The following TTC7B variants were observed in gnomAD, a reference collection of about 807,000 sequenced individuals.
TTC7B encodes the protein tetratricopeptide repeat domain 7B, also known as tetratricopeptide repeat protein 7B.
In TTC7B, 28 loss-of-function variants were observed where a neutral mutation model predicts 106.8. The ratio of observed to expected loss-of-function variants is 0.26; its 90% CI spans 0.19 to 0.36. The LOEUF (loss-of-function observed/expected upper bound fraction) is 0.36, where lower values mean the gene tolerates loss of function less well. Ranked by LOEUF, TTC7B falls within the 10% of genes least tolerant of loss-of-function variation. The probability of loss-of-function intolerance (pLI) is 1.00; values close to 1 mark genes in which losing one functional copy is unlikely to be tolerated. For missense variants in TTC7B, 862 were observed against 1,076.4 expected (o/e 0.80, Z 2.79); for synonymous variants, 405 against 430.6 (o/e 0.94, Z 0.74).
intron 9 of TTC7B, among the ~76,000 whole-genome samples, chr14:90,664,943 GAAC>G (rs1886352737): frequency 6.6e-6 from 1 of 152,236 alleles, no homozygotes; most frequent in Non-Finnish European, 1.5e-5. Flanking sequence ...GGGAGAATGA[GAAC>G]CCCTGGGAAT....
At position 90,563,349 on chromosome 14, in the gene TTC7B, G is replaced by A. The variant is rs377392254; in HGVS notation, c.2310+14757C>T. Reference sequence around the variant, plus strand: ...CCCAGGAACTTTTTGGTGTCCCAGTGCACCTAAAAGGTGTGTTTACACTAC... The same window carrying A: ...CCCAGGAACTTTTTGGTGTCCCAGTACACCTAAAAGGTGTGTTTACACTAC... On this transcript the variant is annotated intron_variant, in intron 19 of 19. Transcript: ENST00000328459. Among the ~76,000 whole-genome samples, 3 of 152,312 alleles carry A rather than the reference G, an allele frequency of 2.0e-5. No individual in the cohort carries two copies. In the East Asian group the frequency reaches 5.8e-4, roughly 29 times the overall value.
At position 90,657,138 on chromosome 14, in the gene TTC7B, C is replaced by A; in HGVS notation, c.1341+36G>T. On this transcript the variant is annotated intron_variant, in intron 11 of 19. Transcript: ENST00000328459. This position sits in a 1 kb window ranked among gnomAD's most constrained non-coding sequence, Gnocchi z 4.2. ...AAATGGGCAGTCCTGGCCCAGAGTC[C>A]TCTGCAGGAGCGGGGAGGGGGGCGC... 6.3e-7 allele frequency: 1 copy of A among 1,581,056 alleles called. No individual in the cohort carries two copies. Among genetic ancestry groups the A allele is most frequent in the South Asian group, 1.1e-5 (1 of 90,288 alleles).
intron 5 of TTC7B, among the ~76,000 whole-genome samples, chr14:90,726,536 T>C (rs1372104544): frequency 6.6e-6 from 1 of 152,198 alleles, no homozygotes; most frequent in East Asian, 1.9e-4. Context: ...CCATTGGAAG[T>C]CACAATTTAC....
chr14:90,665,415 T>G (rs1886372047), intron 9 of TTC7B, among the ~76,000 whole-genome samples: 1 of 152,246 alleles, frequency 6.6e-6, no homozygotes, highest in Non-Finnish European at 1.5e-5. Flanking sequence ...TTTCCAGCTT[T>G]TCATAAATCA....
chr14:90,600,316 G>A lies in TTC7B; in HGVS notation c.1967-6690C>T, dbSNP rs932297273. Among the ~76,000 whole-genome samples the A allele has an allele frequency of 1.3e-5, 2 of 152,188 alleles. No homozygotes were observed. The highest frequency in any genetic ancestry group is 4.8e-5 in the African/African-American group (2 of 41,444). On this transcript the variant is annotated intron_variant, in intron 17 of 19. Coordinates refer to ENST00000328459, the MANE Select transcript of TTC7B (RefSeq NM_001010854.2). The surrounding 1 kb of genome is among the most constrained non-coding windows in gnomAD (Gnocchi z 4.3). ...AGGTGGTGGCTCCTTGCACCGCGCT[G>A]TCACAGCTCTCCTCTCCATCTGCTG...
chr14:90,572,028 C>T (rs1891055749), intron 19 of TTC7B, among the ~76,000 whole-genome samples: 1 of 152,162 alleles, frequency 6.6e-6, no homozygotes. Context: ...AAATAGGAGA[C>T]AGCAATTTTT....
In TTC7B at chr14:90,624,986, G is replaced by A. The variant is rs1884374680; in HGVS notation, c.1752-6941C>T. Among the ~76,000 whole-genome samples, 1 of 152,226 alleles carries A rather than the reference G, an allele frequency of 6.6e-6. No homozygotes were observed. Reference sequence around the variant, plus strand: ...TGCCCAAGCGGGGCAGCGGCTGAGGGGGCCCTGGATACCTTCCCCATCTCT... The same window carrying A: ...TGCCCAAGCGGGGCAGCGGCTGAGGAGGCCCTGGATACCTTCCCCATCTCT... On this transcript the variant is annotated intron_variant, in intron 15 of 19. Transcript: ENST00000328459. This position sits in a 1 kb window ranked among gnomAD's most constrained non-coding sequence, Gnocchi z 4.0.
At chr14:90,727,600 G>A (rs895792575) in intron 5 of TTC7B, among the ~76,000 whole-genome samples, 4 of 152,210 alleles carry the variant, frequency 2.6e-5, no homozygotes, top group Admixed American at 6.5e-5. Context: ...CACCAGTTCC[G>A]CAGTGACTTC....
intron 5 of TTC7B, among the ~76,000 whole-genome samples, chr14:90,700,063 CCTT>C (rs71898098): frequency 0.13 from 20,105 of 152,164 alleles, 1,598 homozygotes; most frequent in Middle Eastern, 0.21. Context: ...TTTCTTTTCT[CCTT>C]CTTTCTCACT....
chr14:90,572,076 G>A (rs1430823166), intron 19 of TTC7B, among the ~76,000 whole-genome samples: 6 of 152,164 alleles, frequency 3.9e-5, no homozygotes, highest in Non-Finnish European at 7.4e-5. Flanking sequence ...TTTAAGAGAC[G>A]AGAGAGAGAG....
At chr14:90,659,630 G>T (rs1051949814) in intron 9 of TTC7B, among the ~76,000 whole-genome samples, 3 of 152,228 alleles carry the variant, frequency 2.0e-5, no homozygotes, top group African/African-American at 7.2e-5. Context: ...GGGGCCAATG[G>T]GGCCAGCGGC....
intron 5 of TTC7B, among the ~76,000 whole-genome samples, chr14:90,701,095 C>T (rs112335486): frequency 3.4e-3 from 514 of 151,964 alleles, no homozygotes; most frequent in African/African-American, 0.012. Flanking sequence ...GCCTCGTTAG[C>T]GAAGGGCTCT....
intron 15 of TTC7B, among the ~76,000 whole-genome samples, chr14:90,639,502 G>T (rs550054247): frequency 2.6e-5 from 4 of 152,194 alleles, no homozygotes; most frequent in Non-Finnish European, 4.4e-5. Context: ...TCATTAACCA[G>T]CAACCATTCT....
chr14:90,602,526 C>A (rs1271738976), intron 17 of TTC7B, among the ~76,000 whole-genome samples: 1 of 152,082 alleles, frequency 6.6e-6, no homozygotes, highest in South Asian at 2.1e-4. Flanking sequence ...CACAGTGAGG[C>A]CTCCTCTCTG....
At chr14:90,601,896 G>A (rs1362065486) in intron 17 of TTC7B, 2 of 313,188 alleles carry the variant, frequency 6.4e-6, no homozygotes, top group East Asian at 1.7e-4. Flanking sequence ...CCAGGGCGAT[G>A]CGGCGAGTTG....
At chr14:90,813,998 T>C (rs2031042247) in intron 1 of TTC7B, among the ~76,000 whole-genome samples, 1 of 152,238 alleles carries the variant, frequency 6.6e-6, no homozygotes, top group African/African-American at 2.4e-5. Flanking sequence ...CGTTTTATTT[T>C]CCTGAGCACT....
chr14:90,723,284 A>G (rs1353762076), intron 5 of TTC7B, among the ~76,000 whole-genome samples: 4 of 152,152 alleles, frequency 2.6e-5, no homozygotes, highest in Non-Finnish European at 4.4e-5. Context: ...GACATCTCAA[A>G]TGCATCCACT....
chr14:90,617,863 G>A, intron 16 of TTC7B, 66 bp downstream of exon 16: 1 of 1,270,568 alleles, frequency 7.9e-7, no homozygotes, highest in Non-Finnish European at 1.1e-6. Flanking sequence ...ATGCCAATCA[G>A]AGAAGGCACT....
intron 5 of TTC7B, among the ~76,000 whole-genome samples, chr14:90,720,074 A>G (rs1888831348): frequency 6.7e-6 from 1 of 149,978 alleles, no homozygotes; most frequent in African/African-American, 2.5e-5. Context: ...AGTGTATTTT[A>G]CGTGTGGCCC....
Sources: allele counts gnomAD v4.1 joint callset (sites outside exome capture counted in the v4.1 genomes callset), GRCh38; gene constraint gnomAD v4.1.1; non-coding constraint Gnocchi (gnomAD v3.1); transcripts MANE v1.5; gene names NCBI Gene and HGNC (gene_info 2026-07-23, HGNC 2026-07-21).